The following TEAD1 variants were observed in gnomAD, a reference collection of about 807,000 sequenced individuals.
The protein encoded by TEAD1 is transcriptional enhancer factor TEF-1.
TEAD1 carries 9 observed loss-of-function variants against 54.9 expected under a neutral mutation model. The observed-to-expected ratio is 0.16, with a 90% CI of 0.10 to 0.29. TEAD1 has a LOEUF of 0.29. Ranked by LOEUF, TEAD1 falls within the 10% of genes least tolerant of loss-of-function variation. The pLI is 1.00. For missense variants in TEAD1, 387 were observed against 535.9 expected (o/e 0.72, Z 2.74); for synonymous variants, 200 against 187.8 (o/e 1.07, Z -0.53).
chr11:12,814,766 A>G (rs1946378214), intron 3 of TEAD1, among the ~76,000 whole-genome samples: 1 of 146,418 alleles, frequency 6.8e-6, no homozygotes, highest in Non-Finnish European at 1.5e-5. Context: ...ACCCCTGACC[A>G]TCGCAGAGCT....
chr11:12,802,515 C>G (rs575889495), intron 3 of TEAD1, among the ~76,000 whole-genome samples: 1 of 152,206 alleles, frequency 6.6e-6, no homozygotes, highest in South Asian at 2.1e-4. Context: ...CGACCCTTCA[C>G]AGATAGTGTT....
chr11:12,814,990 C>T (rs747161061), intron 3 of TEAD1, among the ~76,000 whole-genome samples: 1 of 152,096 alleles, frequency 6.6e-6, no homozygotes, highest in East Asian at 1.9e-4. Flanking sequence ...CAGTGCAGAA[C>T]GGGCCTGTAA....
intron 10 of TEAD1, among the ~76,000 whole-genome samples, chr11:12,921,782 T>C (rs1221598896): frequency 6.6e-6 from 1 of 152,140 alleles, no homozygotes; most frequent in Non-Finnish European, 1.5e-5. Flanking sequence ...CCCTGGAGAC[T>C]GGAGCTCAGT....
rs140849636 is a variant in TEAD1 at position 12,850,502 on chromosome 11, A to G, written c.203-11748A>G. 5.1e-3 allele frequency among the ~76,000 whole-genome samples: 775 copies of G among 152,318 alleles called. 4 individuals are homozygous for G. Among genetic ancestry groups the G allele is most frequent in the Non-Finnish European group, 8.0e-3 (544 of 68,032 alleles). On this transcript the variant is annotated intron_variant, in intron 3 of 12. Transcript: ENST00000527636. ...CAGAGCCTTCCCATTTTCTGTTACT[A>G]ATGCATACAGCAGCCCTCTAGAGTA...
chr11:12,925,966 C>T (rs1347961219), intron 11 of TEAD1, among the ~76,000 whole-genome samples: 1 of 152,020 alleles, frequency 6.6e-6, no homozygotes, highest in African/African-American at 2.4e-5. Context: ...TTTTATGTTT[C>T]ATACCTTCCT....
intron 9 of TEAD1, among the ~76,000 whole-genome samples, chr11:12,891,878 G>C (rs545771966): frequency 6.6e-6 from 1 of 152,150 alleles, no homozygotes; most frequent in Admixed American, 6.5e-5. Context: ...GGGTCACCTG[G>C]GCTTGGTGAT....
At chr11:12,768,948 C>A (rs548582841) in intron 3 of TEAD1, among the ~76,000 whole-genome samples, 6 of 152,286 alleles carry the variant, frequency 3.9e-5, no homozygotes, top group African/African-American at 1.2e-4. Context: ...AGGAAGAAAT[C>A]ATCTCAAATA....
chr11:12,751,974 C>A (rs1223936861), intron 2 of TEAD1, among the ~76,000 whole-genome samples: 1 of 152,164 alleles, frequency 6.6e-6, no homozygotes, highest in Non-Finnish European at 1.5e-5. Flanking sequence ...GTTTTGTTTG[C>A]TGTAGAACTT....
intron 3 of TEAD1, among the ~76,000 whole-genome samples, chr11:12,810,125 C>T (rs1444428471): frequency 2.6e-5 from 4 of 151,908 alleles, no homozygotes; most frequent in Admixed American, 2.0e-4. Flanking sequence ...GGACTATAGG[C>T]GCACACCACC....
At position 12,941,597 on chromosome 11, in the gene TEAD1, G is replaced by A. The variant is rs375858379; in HGVS notation, c.*4375G>A. Reference sequence around the variant, plus strand: ...GCTCTGGTACACTACCTGAACTAACGAAGGGTAGAACTAATTCTGTTTGTC... The same window carrying A: ...GCTCTGGTACACTACCTGAACTAACAAAGGGTAGAACTAATTCTGTTTGTC... On this transcript the variant is annotated 3_prime_UTR_variant, in exon 13 of 13. Coordinates refer to ENST00000527636, the MANE Select transcript of TEAD1 (RefSeq NM_021961.6). The A allele has an allele frequency of 3.3e-5, 5 of 152,576 alleles. No individual in the cohort carries two copies. The highest frequency in any genetic ancestry group is 7.3e-5 in the Non-Finnish European group (5 of 68,030). 9.5% of individuals were successfully genotyped at this position (152,576 alleles called of 1,614,324 possible).
intron 2 of TEAD1, among the ~76,000 whole-genome samples, chr11:12,729,037 C>T (rs916051284): frequency 6.6e-6 from 1 of 152,184 alleles, no homozygotes; most frequent in African/African-American, 2.4e-5. Flanking sequence ...TGAGGGCAGG[C>T]AGCTGTAATG....
intron 5 of TEAD1, among the ~76,000 whole-genome samples, chr11:12,867,607 C>T (rs1947646445): frequency 6.6e-6 from 1 of 152,178 alleles, no homozygotes. Context: ...AGGATATGGG[C>T]TCAACTCTGT....
At chr11:12,765,866 T>G (rs1452327387) in intron 3 of TEAD1, among the ~76,000 whole-genome samples, 1 of 152,210 alleles carries the variant, frequency 6.6e-6, no homozygotes, top group Non-Finnish European at 1.5e-5. Flanking sequence ...TTCAGGGCCC[T>G]AGATTTTCTC....
chr11:12,833,775 T>G (rs1803262369), intron 3 of TEAD1, among the ~76,000 whole-genome samples: 3 of 152,212 alleles, frequency 2.0e-5, no homozygotes. Flanking sequence ...TGTCCCTTTT[T>G]TGTACTTAGT....
At chr11:12,917,108 G>A (rs905235677) in intron 10 of TEAD1, among the ~76,000 whole-genome samples, 1 of 152,208 alleles carries the variant, frequency 6.6e-6, no homozygotes, top group Non-Finnish European at 1.5e-5. Context: ...TCAGCAGATA[G>A]AATATCTTGG....
At chr11:12,832,359 A>G (rs1275496067) in intron 3 of TEAD1, among the ~76,000 whole-genome samples, 1 of 152,212 alleles carries the variant, frequency 6.6e-6, no homozygotes, top group Admixed American at 6.5e-5. Flanking sequence ...TAGGGGGAAA[A>G]ATCCAAGTTT....
At chr11:12,691,800 A>G (rs2082638457) in intron 2 of TEAD1, among the ~76,000 whole-genome samples, 1 of 152,104 alleles carries the variant, frequency 6.6e-6, no homozygotes, top group South Asian at 2.1e-4. Flanking sequence ...TCTTATTACC[A>G]CCGTGAGCCA....
chr11:12,716,745 T>C (rs530434492), intron 2 of TEAD1, among the ~76,000 whole-genome samples: 3 of 152,354 alleles, frequency 2.0e-5, no homozygotes, highest in South Asian at 4.1e-4. Context: ...TATTCCTTTG[T>C]TTTTCAACCA....
intron 9 of TEAD1, among the ~76,000 whole-genome samples, chr11:12,900,627 C>G (rs1270670760): frequency 6.6e-6 from 1 of 152,038 alleles, no homozygotes; most frequent in East Asian, 1.9e-4. Context: ...TAGGATGAGT[C>G]TAGACCCACA....
Sources: allele counts gnomAD v4.1 joint callset (sites outside exome capture counted in the v4.1 genomes callset), GRCh38; gene constraint gnomAD v4.1.1; transcripts MANE v1.5; gene names NCBI Gene and HGNC (gene_info 2026-07-23, HGNC 2026-07-21).